The following ANTXR1 variants were observed in gnomAD, a reference collection of about 807,000 sequenced individuals.
The protein encoded by ANTXR1 is ANTXR cell adhesion molecule 1.
ANTXR1 carries 19 observed loss-of-function variants against 78.1 expected under a neutral mutation model. The ratio of observed to expected loss-of-function variants is 0.24; its 90% CI spans 0.17 to 0.36. ANTXR1 has a LOEUF of 0.36. Among genes scored for constraint, ANTXR1 ranks in the 10% least tolerant of loss-of-function variants. The pLI is 1.00. For missense variants in ANTXR1, 518 were observed against 718.6 expected (o/e 0.72, Z 3.19); for synonymous variants, 273 against 260.5 (o/e 1.05, Z -0.46).
chr2:69,123,485 G>A (rs947025961), intron 11 of ANTXR1, among the ~76,000 whole-genome samples: 2 of 152,146 alleles, frequency 1.3e-5, no homozygotes, highest in East Asian at 1.9e-4. Context: ...CCATTGCCCC[G>A]CTAGATAATT....
intron 10 of ANTXR1, among the ~76,000 whole-genome samples, chr2:69,111,574 A>C (rs1412461131): frequency 6.6e-6 from 1 of 152,230 alleles, no homozygotes; most frequent in Non-Finnish European, 1.5e-5. Context: ...TTTTTGATGC[A>C]AAATTTTATT....
intron 10 of ANTXR1, chr2:69,103,462 T>A (rs1671699641): frequency 5.8e-6 from 1 of 172,326 alleles, no homozygotes; most frequent in Non-Finnish European, 1.3e-5. Flanking sequence ...ATTCTGCAGC[T>A]TTTTTCAATC....
chr2:69,146,669 T>C (rs974147330), intron 12 of ANTXR1, among the ~76,000 whole-genome samples: 1 of 152,232 alleles, frequency 6.6e-6, no homozygotes, highest in African/African-American at 2.4e-5. Flanking sequence ...CAATGTGGAC[T>C]CTCAGAAGGA....
intron 12 of ANTXR1, among the ~76,000 whole-genome samples, chr2:69,125,849 A>T (rs919145347): frequency 6.6e-6 from 1 of 152,076 alleles, no homozygotes. Flanking sequence ...AAAAAAAAAA[A>T]TTAAAAAAAG....
At chr2:69,183,283 CTTT>C in intron 16 of ANTXR1, among the ~76,000 whole-genome samples, 1 of 152,158 alleles carries the variant, frequency 6.6e-6, no homozygotes. Flanking sequence ...GTAAGCAAAT[CTTT>C]TTTCTCCACC....
intron 10 of ANTXR1, among the ~76,000 whole-genome samples, chr2:69,114,703 C>T (rs894843150): frequency 4.6e-5 from 7 of 152,190 alleles, no homozygotes; most frequent in African/African-American, 1.7e-4. Flanking sequence ...TGGAGTGCCC[C>T]ATTTACATTA....
Position 69,196,405 on chromosome 2 carries a change from C to T in ANTXR1, c.1434+2990C>T, listed in dbSNP as rs377266183. On this transcript the variant is annotated intron_variant, in intron 17 of 17. Transcript: ENST00000303714. ...ATACAGAAAATTGTGTCCTTGTTGC[C>T]GTGGCAACAGCCACACGATGTACAC... 3.6e-4 allele frequency among the ~76,000 whole-genome samples: 55 copies of T among 152,240 alleles called. No homozygotes were observed. The South Asian group carries it at 9.8e-3, about 27-fold the overall frequency.
At chr2:69,183,968 T>C (rs78283155) in intron 16 of ANTXR1, among the ~76,000 whole-genome samples, 7,210 of 151,948 alleles carry the variant, frequency 0.047, 444 homozygotes, top group African/African-American at 0.13. Flanking sequence ...CAGACTCCAG[T>C]TTCAAGCTGC....
chr2:69,144,717 A>G (rs796773171), intron 12 of ANTXR1, among the ~76,000 whole-genome samples: 1 of 152,254 alleles, frequency 6.6e-6, no homozygotes, highest in Non-Finnish European at 1.5e-5. Context: ...TTAAATGCTT[A>G]CAAGATAGTC....
chr2:69,125,356 C>A (rs1292796250), intron 12 of ANTXR1, among the ~76,000 whole-genome samples: 5 of 152,190 alleles, frequency 3.3e-5, no homozygotes, highest in Non-Finnish European at 7.3e-5. Context: ...GCCCTGACCG[C>A]ATTCGAGACT....
At chr2:69,096,290 G>GGA (rs1558541091) in intron 9 of ANTXR1, among the ~76,000 whole-genome samples, 229 of 18,896 alleles carry the variant, frequency 0.012, no homozygotes, top group Middle Eastern at 0.075. Flanking sequence ...GGAAGGAAGG[G>GGA]AGGAAGGGAG....
rs557289749 is a variant in ANTXR1, at chr2:69,073,194, T to G, written c.492+93T>G. ...ACACTCTCTCTATTCATGTGATAGG[T>G]GTTCTTTGCAAATCCCCTGAATGAA... On this transcript the variant is annotated intron_variant, in intron 6 of 17. Coordinates refer to ENST00000303714, the MANE Select transcript of ANTXR1 (RefSeq NM_032208.3). The G allele has an allele frequency of 5.6e-5, 61 of 1,092,442 alleles. No homozygotes were observed. The African/African-American group carries it at 8.8e-4, about 16-fold the overall frequency. The allele number at this position is 1,092,442 out of a possible 1,614,324, so 67.7% of individuals were successfully genotyped here. A position where few individuals can be genotyped will look rare whatever the true frequency, so the allele number is the denominator to read the frequency against.
chr2:69,139,337 C>A (rs569788728), intron 12 of ANTXR1, among the ~76,000 whole-genome samples: 1 of 152,350 alleles, frequency 6.6e-6, no homozygotes, highest in East Asian at 1.9e-4. Flanking sequence ...CACATTGCAG[C>A]ACCTTTGAGA....
chr2:69,242,123 A>G (rs1675910289), intron 17 of ANTXR1, among the ~76,000 whole-genome samples: 1 of 152,000 alleles, frequency 6.6e-6, no homozygotes, highest in Admixed American at 6.5e-5. Flanking sequence ...CCATGGGCGT[A>G]CCCCTAGGGT....
intron 12 of ANTXR1, among the ~76,000 whole-genome samples, chr2:69,129,816 C>T (rs1333634661): frequency 6.6e-6 from 1 of 151,668 alleles, no homozygotes; most frequent in African/African-American, 2.4e-5. Flanking sequence ...GTGTAAATGC[C>T]ATAGGATTTC....
At chr2:69,141,500 C>A (rs1673067607) in intron 12 of ANTXR1, among the ~76,000 whole-genome samples, 1 of 151,668 alleles carries the variant, frequency 6.6e-6, no homozygotes, top group African/African-American at 2.4e-5. Flanking sequence ...GTGCGCAAGT[C>A]AACAAGCAGT....
chr2:69,122,200 A>G (rs1672369592), intron 10 of ANTXR1, among the ~76,000 whole-genome samples: 2 of 152,174 alleles, frequency 1.3e-5, no homozygotes, highest in African/African-American at 4.8e-5. Context: ...GTCTTTGCTC[A>G]TGCCATTCCT....
intron 12 of ANTXR1, among the ~76,000 whole-genome samples, chr2:69,147,708 T>G (rs1199308474): frequency 6.6e-6 from 1 of 152,240 alleles, no homozygotes; most frequent in African/African-American, 2.4e-5. Context: ...CCACATGGAT[T>G]CAAATCCCAG....
chr2:69,194,040 C>A (rs1456358519), intron 17 of ANTXR1, among the ~76,000 whole-genome samples: 1 of 152,234 alleles, frequency 6.6e-6, no homozygotes, highest in African/African-American at 2.4e-5. Flanking sequence ...CCTTAGAAAC[C>A]ATCCAGCCCA....
Sources: gnomAD v4.1 joint callset for allele counts (sites outside exome capture counted in the v4.1 genomes callset) on GRCh38, gnomAD v4.1.1 for gene constraint, MANE v1.5 for transcripts, NCBI Gene and HGNC (gene_info 2026-07-23, HGNC 2026-07-21) for gene names.